PDE4D: variants seen among roughly 807,000 people sequenced by gnomAD.
PDE4D encodes the protein phosphodiesterase 4D.
In PDE4D, 24 loss-of-function variants were observed where a neutral mutation model predicts 87.4. That is an observed-to-expected ratio of 0.27 (90% CI 0.20 to 0.39). The LOEUF is 0.39. PDE4D is among the 10% of genes least tolerant of loss of function. The pLI, the probability that PDE4D is intolerant of heterozygous loss-of-function variation, is 1.00. For synonymous variants in PDE4D, 384 were observed against 383.2 expected (o/e 1.00, Z -0.02); for missense variants, 714 against 1,041.0 (o/e 0.69, Z 4.32).
intron 2 of PDE4D, among the ~76,000 whole-genome samples, chr5:60,181,434 A>C (rs563838981): frequency 1.6e-3 from 241 of 152,178 alleles, no homozygotes; most frequent in Non-Finnish European, 1.7e-3. Flanking sequence ...ATTCATTATG[A>C]AAGAATGTGC....
intron 1 of PDE4D, among the ~76,000 whole-genome samples, chr5:59,383,316 GA>G (rs59496323): frequency 0.37 from 56,011 of 151,550 alleles, 11,507 homozygotes; most frequent in African/African-American, 0.56. Flanking sequence ...GCCATTCCTG[GA>G]AAAATCGCAA....
At chr5:59,736,604 G>A (rs958237715) in intron 1 of PDE4D, among the ~76,000 whole-genome samples, 14 of 151,880 alleles carry the variant, frequency 9.2e-5, no homozygotes, top group African/African-American at 3.1e-4. Flanking sequence ...GCTTGAACCC[G>A]GGAGGCAGAG....
chr5:60,311,376 A>G (rs1755026553), intron 1 of PDE4D, among the ~76,000 whole-genome samples: 1 of 152,248 alleles, frequency 6.6e-6, no homozygotes, highest in African/African-American at 2.4e-5. Context: ...CTTTCAGCAG[A>G]AACCCTACAA....
intron 6 of PDE4D, chr5:59,001,936 C>T: frequency 2.6e-6 from 1 of 390,840 alleles, no homozygotes; most frequent in Non-Finnish European, 5.0e-6. Flanking sequence ...TTAATATAAA[C>T]CATCTAGCTG....
chr5:59,573,977 A>C (rs1822324711), intron 1 of PDE4D, among the ~76,000 whole-genome samples: 1 of 129,352 alleles, frequency 7.7e-6, no homozygotes, highest in Non-Finnish European at 1.6e-5. Flanking sequence ...CAGCCTGGAC[A>C]ACAAAGGGAG....
intron 1 of PDE4D, among the ~76,000 whole-genome samples, chr5:60,467,446 T>C (rs979688004): frequency 1.3e-5 from 2 of 152,212 alleles, no homozygotes; most frequent in Admixed American, 1.3e-4. Context: ...TCTGTCATTA[T>C]GGATATTTCA....
At chr5:59,515,594 A>C (rs1164926522) in intron 1 of PDE4D, among the ~76,000 whole-genome samples, 2 of 152,234 alleles carry the variant, frequency 1.3e-5, no homozygotes, top group African/African-American at 4.8e-5. Context: ...AAAGTTTGAA[A>C]AGTTTCTAAA....
chr5:59,432,098 T>C (rs1441638089), intron 1 of PDE4D, among the ~76,000 whole-genome samples: 1 of 152,098 alleles, frequency 6.6e-6, no homozygotes, highest in Non-Finnish European at 1.5e-5. Context: ...ATAAAAAAGA[T>C]TGCTGTCTTT....
rs192115458 is a variant in PDE4D at position 60,394,821 on chromosome 5, T to C, written c.-90+93121A>G. Among the ~76,000 whole-genome samples the C allele has an allele frequency of 2.1e-4, 32 of 152,326 alleles. No homozygotes were observed. In the East Asian group the frequency reaches 5.8e-3, roughly 28 times the overall value. On this transcript the variant is annotated intron_variant, in intron 1 of 16. Transcript: ENST00000502484. ...CAGGGATGGAGCAGCAGTAATGACA[T>C]TACTTTGGCAGAGCTCATGAATCTA...
rs190307639 is a variant in PDE4D, at chr5:60,114,862, C to T, written c.42+70695G>A. Among the ~76,000 whole-genome samples the T allele has an allele frequency of 2.0e-3, 301 of 150,726 alleles. 2 individuals carry two copies. The highest frequency in any genetic ancestry group is 3.6e-3 in the Non-Finnish European group (240 of 67,506). On this transcript the variant is annotated intron_variant, in intron 2 of 16. Coordinates refer to the PDE4D transcript ENST00000502484. ...TATATGTGTGTATAAATACATATAA[C>T]TATGTGTGTATGTATGTGTGTGTAT... is the stretch of plus-strand genomic sequence containing the variant.
Position 60,354,713 on chromosome 5 carries a change from C to T in PDE4D, c.-90+133229G>A, listed in dbSNP as rs546745395. ...TCTGGGATGTTGCCCAGTACTAGGA[C>T]GTTTTTCTGGCTCAAATAAATTTTT... On this transcript the variant is annotated intron_variant, in intron 1 of 16. Coordinates refer to the PDE4D transcript ENST00000502484. Among the ~76,000 whole-genome samples, 58 of 152,214 alleles carry T rather than the reference C, an allele frequency of 3.8e-4. No individual in the cohort carries two copies. The South Asian group carries it at 0.011, about 30-fold the overall frequency.
intron 1 of PDE4D, among the ~76,000 whole-genome samples, chr5:60,209,130 G>C (rs1742879851): frequency 6.6e-6 from 1 of 150,972 alleles, no homozygotes; most frequent in Admixed American, 6.6e-5. Context: ...AAATAACATT[G>C]CCAGCAAGCC....
intron 1 of PDE4D, among the ~76,000 whole-genome samples, chr5:59,420,891 C>T (rs1259971174): frequency 6.6e-6 from 1 of 151,974 alleles, no homozygotes; most frequent in African/African-American, 2.4e-5. Context: ...GTCAGGGTAG[C>T]AGGGGGCAGG....
intron 6 of PDE4D, among the ~76,000 whole-genome samples, chr5:59,036,321 T>C (rs1298548582): frequency 6.6e-6 from 1 of 152,212 alleles, no homozygotes; most frequent in Non-Finnish European, 1.5e-5. Context: ...CTGTCATAAT[T>C]TTTCAAAGGC....
At chr5:59,628,264 G>C (rs1037862970) in intron 1 of PDE4D, among the ~76,000 whole-genome samples, 3 of 152,236 alleles carry the variant, frequency 2.0e-5, no homozygotes, top group Admixed American at 1.3e-4. Context: ...GTCATGAGAG[G>C]GCAGCAATGC....
chr5:60,110,277 C>T (rs115959814), intron 2 of PDE4D, among the ~76,000 whole-genome samples: 1,819 of 152,078 alleles, frequency 0.012, 36 homozygotes, highest in African/African-American at 0.042. Context: ...ATTCACCTGA[C>T]AATGGACTAA....
At chr5:60,460,073 C>G in intron 1 of PDE4D, 1 of 1,600,606 alleles carries the variant, frequency 6.2e-7, no homozygotes. Context: ...CATAACTCAT[C>G]AGCACCTGCA....
intron 1 of PDE4D, among the ~76,000 whole-genome samples, chr5:60,354,421 T>G (rs1258545640): frequency 1.7e-4 from 26 of 152,160 alleles, no homozygotes; most frequent in Admixed American, 1.7e-3. Flanking sequence ...ATTCTTTACT[T>G]GGTAGTAAAG....
At chr5:60,323,491 C>T (rs1262315846) in intron 1 of PDE4D, among the ~76,000 whole-genome samples, 1 of 152,180 alleles carries the variant, frequency 6.6e-6, no homozygotes, top group African/African-American at 2.4e-5. Context: ...CATCCTTATA[C>T]CACAGCTCTA....
Sources: gnomAD v4.1 joint callset for allele counts (sites outside exome capture counted in the v4.1 genomes callset) on GRCh38, gnomAD v4.1.1 for gene constraint, MANE v1.5 for transcripts, NCBI Gene and HGNC (gene_info 2026-07-23, HGNC 2026-07-21) for gene names.